Variants in PEX5L observed in about 807,000 individuals in gnomAD.
PEX5L encodes peroxisomal biogenesis factor 5 like, also known as PEX5-related protein.
PEX5L carries 30 observed loss-of-function variants against 84.0 expected under a neutral mutation model. The ratio of observed to expected loss-of-function variants is 0.36; its 90% CI spans 0.27 to 0.48. PEX5L has a LOEUF of 0.48. Among genes scored for constraint, PEX5L ranks in the 20% least tolerant of loss-of-function variants. PEX5L has a pLI of 0.99. For missense variants in PEX5L, 533 were observed against 754.6 expected (o/e 0.71, Z 3.44); for synonymous variants, 270 against 283.1 (o/e 0.95, Z 0.46).
chr3:179,837,783 C>T (rs544268791), intron 8 of PEX5L, among the ~76,000 whole-genome samples: 1 of 152,166 alleles, frequency 6.6e-6, no homozygotes, highest in Non-Finnish European at 1.5e-5. Context: ...CGGATAAATA[C>T]GTTGGGTATT....
intron 1 of PEX5L, among the ~76,000 whole-genome samples, chr3:179,978,228 T>C (rs577201575): frequency 5.9e-5 from 9 of 152,322 alleles, no homozygotes; most frequent in African/African-American, 1.7e-4. Context: ...TTAGGGTGGC[T>C]TTTGGTCTGT....
chr3:179,795,401 T>G lies in PEX5L; in HGVS notation c.*6427A>C, dbSNP rs1716539558. 1 of 152,190 alleles carries G rather than the reference T, an allele frequency of 6.6e-6. No individual in the cohort carries two copies. Among genetic ancestry groups the G allele is most frequent in the South Asian group, 2.1e-4 (1 of 4,830 alleles). The allele number at this position is 152,190 out of a possible 1,614,324, so 9.4% of individuals were successfully genotyped here. On this transcript the variant is annotated 3_prime_UTR_variant, in exon 15 of 15. Transcript: ENST00000467460. Reference sequence around the variant, plus strand: ...AAGCCAACTGAGTAAATTAAACACATCAATATGATAAGAGGTTATTTTTAT... The same window carrying G: ...AAGCCAACTGAGTAAATTAAACACAGCAATATGATAAGAGGTTATTTTTAT...
At chr3:179,851,549 A>G (rs1741892204) in intron 8 of PEX5L, among the ~76,000 whole-genome samples, 1 of 152,188 alleles carries the variant, frequency 6.6e-6, no homozygotes, top group African/African-American at 2.4e-5. Context: ...TTAGCAGTAA[A>G]CTTTTTCACT....
At chr3:180,005,922 A>G (rs552645809) in intron 1 of PEX5L, among the ~76,000 whole-genome samples, 31 of 152,348 alleles carry the variant, frequency 2.0e-4, no homozygotes, top group African/African-American at 7.5e-4. Context: ...TTTTCAAAAT[A>G]GAAATTTTTA....
rs559605569 is a variant in PEX5L at position 179,867,586 on chromosome 3, A to G, written c.726+6741T>C. On this transcript the variant is annotated intron_variant, in intron 7 of 14. Transcript: ENST00000467460. Reference sequence around the variant, plus strand: ...GCTCCTGTACTGTATTCCAGCAAGCAAAATTATTAATATTGATAGTGTATC... The same window carrying G: ...GCTCCTGTACTGTATTCCAGCAAGCGAAATTATTAATATTGATAGTGTATC... 3.9e-5 allele frequency among the ~76,000 whole-genome samples: 6 copies of G among 152,302 alleles called. No individual in the cohort carries two copies. In the South Asian group the frequency reaches 8.3e-4, roughly 21 times the overall value.
intron 1 of PEX5L, chr3:179,973,768 G>A: frequency 1.0e-6 from 1 of 985,316 alleles, no homozygotes; most frequent in African/African-American, 1.7e-5. Flanking sequence ...CTGGGAAGAG[G>A]CTAGTTCAGG....
At chr3:179,906,895 AT>A (rs1763424806) in intron 2 of PEX5L, among the ~76,000 whole-genome samples, 2 of 110,604 alleles carry the variant, frequency 1.8e-5, no homozygotes, top group African/African-American at 6.4e-5. Flanking sequence ...AGAATCATTC[AT>A]CATCAACATA....
chr3:179,910,059 G>C (rs1190893174), intron 2 of PEX5L, among the ~76,000 whole-genome samples: 1 of 152,196 alleles, frequency 6.6e-6, no homozygotes, highest in East Asian at 1.9e-4. Context: ...TCTCTGTTTA[G>C]AAAAATCCAG....
chr3:179,834,579 C>T (rs896934006), intron 8 of PEX5L, among the ~76,000 whole-genome samples: 3 of 152,066 alleles, frequency 2.0e-5, no homozygotes, highest in Non-Finnish European at 2.9e-5. Flanking sequence ...AGGAGTAGGG[C>T]CGGGAGAGAG....
intron 8 of PEX5L, 146 bp downstream of exon 8, chr3:179,858,916 G>T: frequency 3.2e-6 from 2 of 621,462 alleles, no homozygotes; most frequent in Non-Finnish European, 5.8e-6. Context: ...TGTACCAAAT[G>T]ATTGTCTCAT....
At chr3:180,000,860 T>C (rs141331872) in intron 1 of PEX5L, among the ~76,000 whole-genome samples, 237 of 152,304 alleles carry the variant, frequency 1.6e-3, no homozygotes, top group Middle Eastern at 3.4e-3. Flanking sequence ...CTTATTATTG[T>C]CTTTATTGAA....
intron 1 of PEX5L, among the ~76,000 whole-genome samples, chr3:180,035,839 A>G (rs983259051): frequency 6.6e-6 from 1 of 152,230 alleles, no homozygotes; most frequent in Non-Finnish European, 1.5e-5. Context: ...CCCAAAGCAT[A>G]TATCTGCCTT....
At position 179,860,589 on chromosome 3, in the gene PEX5L, C is replaced by G. The variant is rs536317759; in HGVS notation, c.727-1432G>C. ...CACTGTTCTACAGCAAAACTTTCCT[C>G]TTCACACAGCACTTGCCCTCCAGAT... On this transcript the variant is annotated intron_variant, in intron 7 of 14. Coordinates refer to ENST00000467460, the MANE Select transcript of PEX5L (RefSeq NM_016559.3). Among the ~76,000 whole-genome samples the G allele has an allele frequency of 4.6e-5, 7 of 152,340 alleles. No homozygotes were observed. The South Asian group carries it at 1.4e-3, about 32-fold the overall frequency.
At chr3:179,984,894 A>G (rs995894673) in intron 1 of PEX5L, among the ~76,000 whole-genome samples, 1 of 152,328 alleles carries the variant, frequency 6.6e-6, no homozygotes, top group African/African-American at 2.4e-5. Flanking sequence ...TTTTCTCCCC[A>G]TTTATACTGA....
chr3:179,943,059 T>C lies in PEX5L; in HGVS notation c.93+28535A>G, dbSNP rs536903810. ...TGTGACAATCAAATGACGTAACATA[T>C]ACCAAAGCACTTGCAAAAGTAATGA... On this transcript the variant is annotated intron_variant, in intron 2 of 14. Coordinates refer to ENST00000467460, the MANE Select transcript of PEX5L (RefSeq NM_016559.3). Among the ~76,000 whole-genome samples, 4 of 152,370 alleles carry C rather than the reference T, an allele frequency of 2.6e-5. No homozygotes were observed. In the East Asian group the frequency reaches 7.7e-4, roughly 29 times the overall value.
intron 2 of PEX5L, among the ~76,000 whole-genome samples, chr3:179,931,047 AAC>A (rs1379680192): frequency 6.6e-6 from 1 of 152,210 alleles, no homozygotes; most frequent in African/African-American, 2.4e-5. Context: ...TAAATTAAAA[AAC>A]ACACACACAT....
Position 179,859,825 on chromosome 3 carries a change from T to G in PEX5L, c.727-668A>C, listed in dbSNP as rs536238995. Among the ~76,000 whole-genome samples the G allele has an allele frequency of 2.2e-3, 333 of 152,368 alleles. 1 individual carries two copies. Among genetic ancestry groups the G allele is most frequent in the Admixed American group, 3.7e-3 (56 of 15,308 alleles). The stretch of plus-strand genomic sequence containing the variant: ...CAATGTAATATTTACACATCTTAAC[T>G]TAGCTAAATGCAAATATTTTCAGAA... On this transcript the variant is annotated intron_variant, in intron 7 of 14. Coordinates refer to ENST00000467460, the MANE Select transcript of PEX5L (RefSeq NM_016559.3).
Position 179,993,793 on chromosome 3 carries a change from G to A in PEX5L, c.22-22128C>T, listed in dbSNP as rs1188324402. ...GCTGGAATTACAGGCATGAGCCACC[G>A]CATCCGGCTTTCCCATATACTTTAA... On this transcript the variant is annotated intron_variant, in intron 1 of 14. Transcript: ENST00000467460. Among the ~76,000 whole-genome samples, 7 of 152,144 alleles carry A rather than the reference G, an allele frequency of 4.6e-5. No homozygotes were observed. In the South Asian group the frequency reaches 8.3e-4, roughly 18 times the overall value.
intron 3 of PEX5L, among the ~76,000 whole-genome samples, chr3:179,891,114 C>T (rs1757488122): frequency 6.6e-6 from 1 of 151,682 alleles, no homozygotes; most frequent in Non-Finnish European, 1.5e-5. Flanking sequence ...TCAGGAAGCC[C>T]AGGACAAAGG....
Sources: allele counts gnomAD v4.1 joint callset (sites outside exome capture counted in the v4.1 genomes callset), GRCh38; gene constraint gnomAD v4.1.1; transcripts MANE v1.5; gene names NCBI Gene and HGNC (gene_info 2026-07-23, HGNC 2026-07-21).